Variants in ZNF44 observed in about 807,000 individuals in gnomAD.
ZNF44 encodes the protein zinc finger protein 44.
A neutral mutation model predicts 11.7 loss-of-function variants in ZNF44; 9 were observed. The ratio of observed to expected loss-of-function variants is 0.77; its 90% CI spans 0.46 to 1.35. ZNF44 has a LOEUF of 1.35. Among genes scored for constraint, ZNF44 ranks in the 40% most tolerant of loss-of-function variants. The pLI is 0.00. For missense variants in ZNF44, 696 were observed against 743.1 expected (o/e 0.94, Z 0.74); for synonymous variants, 224 against 242.7 (o/e 0.92, Z 0.72).
downstream of ZNF44, among the ~76,000 whole-genome samples, chr19:12,246,262 A>G (rs1043466363): frequency 6.6e-6 from 1 of 152,222 alleles, no homozygotes; most frequent in African/African-American, 2.4e-5. Flanking sequence ...GTGTTGTCCT[A>G]TCACAGATCT....
intron 5 of ZNF44, among the ~76,000 whole-genome samples, chr19:12,265,110 A>G (rs533623924): frequency 6.6e-6 from 1 of 152,254 alleles, no homozygotes; most frequent in East Asian, 1.9e-4. Context: ...AGAAACTTAG[A>G]AGAAAAAGGG....
At chr19:12,227,723 C>CT (rs1915979610) in intron 3 of ZNF44, among the ~76,000 whole-genome samples, 1 of 152,204 alleles carries the variant, frequency 6.6e-6, no homozygotes, top group Non-Finnish European at 1.5e-5. Context: ...ATAAGGTACA[C>CT]TAAGATATGT....
At chr19:12,227,178 C>T (rs1353835041) in intron 3 of ZNF44, among the ~76,000 whole-genome samples, 1 of 152,194 alleles carries the variant, frequency 6.6e-6, no homozygotes, top group African/African-American at 2.4e-5. Flanking sequence ...AACGTTTTTC[C>T]TCTATTGTGA....
chr19:12,272,738 C>T lies in ZNF44; in HGVS notation c.1517G>A (p.Cys506Tyr), dbSNP rs765535137. The T allele has an allele frequency of 2.5e-6, 4 of 1,613,428 alleles. No homozygotes were observed. In the East Asian group the frequency reaches 6.7e-5, roughly 27 times the overall value. The change falls in exon 4 of 4, where the codon TGT becomes TAT. Residue 506 changes from cysteine to tyrosine, a missense_variant. Physicochemically the swap from Cys to Tyr is radical, Grantham distance 194. Transcript: ENST00000355684. ...ACTGAAGGCTTTGCCACAAATTTGA[C>T]ACTCATAAGATTTTTCTTCACTGTG... ...RTHSEEKSYE[C>Y]QICGKAFSRF...
At chr19:12,265,995 A>G (rs1247968348) in intron 5 of ZNF44, among the ~76,000 whole-genome samples, 3 of 152,194 alleles carry the variant, frequency 2.0e-5, no homozygotes, top group Non-Finnish European at 4.4e-5. Flanking sequence ...GTCCCCGCAC[A>G]ATCTGGGGGA....
intron 5 of ZNF44, chr19:12,266,205 G>C (rs1037944257): frequency 1.0e-6 from 1 of 971,444 alleles, no homozygotes; most frequent in Non-Finnish European, 1.2e-6. Context: ...AGGGAGGCCC[G>C]GGTCCCGCCA....
chr19:12,260,359 G>A (rs1363044083), intron 5 of ZNF44: 2 of 1,138,070 alleles, frequency 1.8e-6, no homozygotes, highest in Non-Finnish European at 2.6e-6. Context: ...TCCTACGCGC[G>A]GACCACCATC....
At chr19:12,291,692 T>C (rs1191635900) in intron 1 of ZNF44, among the ~76,000 whole-genome samples, 1 of 149,790 alleles carries the variant, frequency 6.7e-6, no homozygotes, top group Non-Finnish European at 1.5e-5. Flanking sequence ...AGACCATGTC[T>C]CAAAAAAAAA....
At chr19:12,260,120 G>A (rs1252740509) in intron 5 of ZNF44, 2 of 698,400 alleles carry the variant, frequency 2.9e-6, no homozygotes, top group Non-Finnish European at 5.3e-6. Context: ...GAGAGGAGCC[G>A]CCACCATGTC....
At position 12,273,087 on chromosome 19, in the gene ZNF44, C is replaced by CTCCA; in HGVS notation, c.1164_1167dup (p.Asp390TrpfsTer6). The stretch of plus-strand genomic sequence containing the variant: ...CATACTGTGCATTTATGAGGGCCAT[C>CTCCA]TCCAGTGTGTGCCATCATGTGTCTT... On this transcript the variant is annotated frameshift_variant, in exon 4 of 4. Transcript: ENST00000355684. LOFTEE classifies it low-confidence loss of function (END_TRUNC). The CTCCA allele has an allele frequency of 1.2e-6, 2 of 1,614,038 alleles. No homozygotes were observed. Among genetic ancestry groups the CTCCA allele is most frequent in the Non-Finnish European group, 1.7e-6 (2 of 1,179,958 alleles).
chr19:12,247,230 G>T, downstream of ZNF44: 1 of 1,121,400 alleles, frequency 8.9e-7, no homozygotes, highest in Non-Finnish European at 1.1e-6. Flanking sequence ...TATCAACTTT[G>T]AAAATCGTTA....
intron 1 of ZNF44, among the ~76,000 whole-genome samples, chr19:12,276,433 G>C (rs1967222177): frequency 6.6e-6 from 1 of 152,214 alleles, no homozygotes; most frequent in Non-Finnish European, 1.5e-5. Context: ...ACAATTAGCA[G>C]TCCTGAGACG....
intron 5 of ZNF44, among the ~76,000 whole-genome samples, chr19:12,251,431 T>G (rs886391570): frequency 2.0e-5 from 3 of 151,624 alleles, no homozygotes; most frequent in Admixed American, 6.6e-5. Flanking sequence ...GAGGCAGAGG[T>G]TGCAGTGAGC....
rs962925474 is a variant in ZNF44, at chr19:12,260,524, C to G, written c.1913-10156G>C. The G allele has an allele frequency of 4.7e-6, 5 of 1,060,700 alleles. No homozygotes were observed. In the African/African-American group the frequency reaches 6.3e-5, roughly 13 times the overall value. The allele number at this position is 1,060,700 out of a possible 1,614,324, so 65.7% of individuals were successfully genotyped here. On this transcript the variant is annotated intron_variant and NMD_transcript_variant, in intron 5 of 7. Transcript: ENST00000393337. The stretch of plus-strand genomic sequence containing the variant: ...GTGAAGCGGAAGCGGACCCGCGCCA[C>G]CAAGAGCTCCTGAGCCCCCTGCCCC...
At chr19:12,280,886 C>T (rs922037382) in intron 1 of ZNF44, among the ~76,000 whole-genome samples, 1 of 152,112 alleles carries the variant, frequency 6.6e-6, no homozygotes, top group Non-Finnish European at 1.5e-5. Flanking sequence ...AGAAGTCAAT[C>T]CTACACGACA....
chr19:12,231,187 C>T (rs1033167077), intron 2 of ZNF44, among the ~76,000 whole-genome samples: 1 of 152,090 alleles, frequency 6.6e-6, no homozygotes, highest in African/African-American at 2.4e-5. Flanking sequence ...CTTACCTCCA[C>T]CTACCCATTA....
intron 1 of ZNF44, chr19:12,291,322 G>A (rs1175536529): frequency 7.0e-6 from 3 of 426,066 alleles, no homozygotes; most frequent in Non-Finnish European, 1.4e-5. Context: ...ACATTCTTGT[G>A]AAAATATATT....
chr19:12,246,556 AT>A (rs1916772320), downstream of ZNF44, among the ~76,000 whole-genome samples: 2 of 152,202 alleles, frequency 1.3e-5, no homozygotes, highest in Admixed American at 1.3e-4. Context: ...CTATTAAAAC[AT>A]TTTATTAACT....
intron 3 of ZNF44, 44 bp from the exon 4 acceptor site, chr19:12,274,107 T>C (rs1967108655): frequency 6.7e-7 from 1 of 1,489,856 alleles, no homozygotes; most frequent in Admixed American, 2.1e-5. Context: ...TATTATTGAA[T>C]TTATATTTAT....
Sources: gnomAD v4.1 joint callset for allele counts (sites outside exome capture counted in the v4.1 genomes callset) on GRCh38, gnomAD v4.1.1 for gene constraint, MANE v1.5 for transcripts, NCBI Gene and HGNC (gene_info 2026-07-23, HGNC 2026-07-21) for gene names.